The following GSE1 variants were observed in gnomAD, a reference collection of about 807,000 sequenced individuals.
The protein encoded by GSE1 is Gse1 coiled-coil protein, also known as genetic suppressor element 1.
Under a neutral mutation model 112.6 loss-of-function variants are expected in GSE1, and 32 were observed. The ratio of observed to expected loss-of-function variants is 0.28; its 90% CI spans 0.21 to 0.38. GSE1 has a LOEUF of 0.38. Ranked by LOEUF, GSE1 falls within the 10% of genes least tolerant of loss-of-function variation. The pLI, the probability that GSE1 is intolerant of heterozygous loss-of-function variation, is 1.00. For synonymous variants in GSE1, 1,115 were observed against 735.6 expected, an observed-to-expected ratio of 1.52 and a Z score of -8.35; for missense variants, 2,348 against 1,699.2, an observed-to-expected ratio of 1.38 and a Z score of -6.71.
chr16:85,610,997 G>C (rs979614800), upstream of GSE1, among the ~76,000 whole-genome samples: 3 of 152,230 alleles, frequency 2.0e-5, no homozygotes, highest in Non-Finnish European at 4.4e-5. Context: ...CAAACAGGTG[G>C]AGAAACCTAA....
At chr16:85,424,392 C>G (rs930395703) in intron 2 of GSE1, among the ~76,000 whole-genome samples, 3 of 152,192 alleles carry the variant, frequency 2.0e-5, no homozygotes, top group African/African-American at 7.2e-5. Flanking sequence ...TGGTGAGAGG[C>G]CAGACCTTCT....
chr16:85,450,845 A>G (rs567049589), intron 2 of GSE1, among the ~76,000 whole-genome samples: 70 of 152,096 alleles, frequency 4.6e-4, no homozygotes, highest in Non-Finnish European at 7.4e-4. Flanking sequence ...CCGATCACCT[A>G]AGGTTAGGCG....
At chr16:85,522,530 C>G (rs1346731589) in intron 2 of GSE1, among the ~76,000 whole-genome samples, 3 of 152,192 alleles carry the variant, frequency 2.0e-5, no homozygotes, top group African/African-American at 7.2e-5. Context: ...TGGTGCTGTT[C>G]TGAGAACTGC....
At chr16:85,493,267 T>C (rs979708808) in intron 2 of GSE1, among the ~76,000 whole-genome samples, 3 of 151,970 alleles carry the variant, frequency 2.0e-5, no homozygotes, top group African/African-American at 7.3e-5. Flanking sequence ...CTGAGTGACA[T>C]AGTGAGACCC....
intron 2 of GSE1, among the ~76,000 whole-genome samples, chr16:85,361,141 C>G: frequency 7.4e-6 from 1 of 134,996 alleles, no homozygotes; most frequent in African/African-American, 2.7e-5. Context: ...ACCCCCCCCA[C>G]ACAAACACAC....
intron 2 of GSE1, among the ~76,000 whole-genome samples, chr16:85,367,600 G>A (rs749646340): frequency 1.1e-4 from 17 of 152,224 alleles, no homozygotes; most frequent in East Asian, 1.9e-4. Flanking sequence ...GTGGCATTTG[G>A]CAGAGAGTTC....
At chr16:85,560,204 C>T (rs1170106052) in intron 1 of GSE1, among the ~76,000 whole-genome samples, 3 of 130,316 alleles carry the variant, frequency 2.3e-5, no homozygotes, top group Non-Finnish European at 4.6e-5. Flanking sequence ...GGCGAGATTT[C>T]GGCTCACTGC....
intron 1 of GSE1, among the ~76,000 whole-genome samples, chr16:85,628,743 C>G (rs1372236641): frequency 6.6e-6 from 1 of 152,212 alleles, no homozygotes; most frequent in Non-Finnish European, 1.5e-5. Flanking sequence ...TTAGAACATA[C>G]AGAGAGAGAA....
chr16:85,316,795 C>T (rs1183977563), intron 1 of GSE1, among the ~76,000 whole-genome samples: 1 of 152,204 alleles, frequency 6.6e-6, no homozygotes, highest in Non-Finnish European at 1.5e-5. Flanking sequence ...GCAGACGTCT[C>T]CCTGTCAGGA....
intron 2 of GSE1, among the ~76,000 whole-genome samples, chr16:85,471,444 C>T (rs2050293782): frequency 6.6e-6 from 1 of 152,206 alleles, no homozygotes; most frequent in African/African-American, 2.4e-5. Context: ...GGCAAAGTCT[C>T]ACTCCATCAC....
At chr16:85,503,727 C>T (rs555749883) in intron 2 of GSE1, among the ~76,000 whole-genome samples, 3 of 152,288 alleles carry the variant, frequency 2.0e-5, no homozygotes, top group East Asian at 1.9e-4. Context: ...AAGCAAACCT[C>T]GCCGATGACA....
intron 1 of GSE1, among the ~76,000 whole-genome samples, chr16:85,246,297 C>A (rs1176338958): frequency 1.0e-5 from 1 of 100,328 alleles, no homozygotes. Flanking sequence ...CTACACACAC[C>A]CCACACGCTG....
intron 1 of GSE1, among the ~76,000 whole-genome samples, chr16:85,235,007 G>T (rs1241086248): frequency 3.3e-5 from 5 of 151,946 alleles, no homozygotes; most frequent in African/African-American, 1.2e-4. Flanking sequence ...CCCCCTCCTG[G>T]CTCCTCGCAT....
At chr16:85,642,588 C>G (rs530653846) in intron 2 of GSE1, among the ~76,000 whole-genome samples, 1 of 152,204 alleles carries the variant, frequency 6.6e-6, no homozygotes. Flanking sequence ...CTGTGGACAC[C>G]GGAGCCGTCC....
At chr16:85,509,091 G>T (rs1010907733) in intron 2 of GSE1, among the ~76,000 whole-genome samples, 2 of 152,156 alleles carry the variant, frequency 1.3e-5, no homozygotes, top group African/African-American at 4.8e-5. Flanking sequence ...GAGAAGAAAC[G>T]CTCACCTGGT....
At chr16:85,651,923 C>G (rs749256688) in intron 3 of GSE1, among the ~76,000 whole-genome samples, 1 of 152,228 alleles carries the variant, frequency 6.6e-6, no homozygotes, top group East Asian at 1.9e-4. Context: ...TTAAGTCCAT[C>G]CCAGACCCTA....
chr16:85,660,536 G>C (rs1398898698), intron 8 of GSE1, among the ~76,000 whole-genome samples: 1 of 152,156 alleles, frequency 6.6e-6, no homozygotes, highest in Non-Finnish European at 1.5e-5. Flanking sequence ...CTACTCGGGA[G>C]GCTGAAGCTG....
chr16:85,448,969 C>T (rs2049590659), intron 2 of GSE1, among the ~76,000 whole-genome samples: 1 of 152,204 alleles, frequency 6.6e-6, no homozygotes, highest in Non-Finnish European at 1.5e-5. Flanking sequence ...CCTCTCCCCG[C>T]CCCTCCACCC....
upstream of GSE1, among the ~76,000 whole-genome samples, chr16:85,551,418 G>T (rs963588517): frequency 6.6e-6 from 1 of 152,308 alleles, no homozygotes. Context: ...GCTCCCCTGG[G>T]AATGAATGGC....
Sources: allele counts gnomAD v4.1 joint callset (sites outside exome capture counted in the v4.1 genomes callset), GRCh38; gene constraint gnomAD v4.1.1; transcripts MANE v1.5; gene names NCBI Gene and HGNC (gene_info 2026-07-23, HGNC 2026-07-21).